The following DYNC2H1 variants were observed in gnomAD, a reference collection of about 807,000 sequenced individuals.
DYNC2H1 encodes the protein dynein cytoplasmic 2 heavy chain 1.
DYNC2H1 carries 410 observed loss-of-function variants against 570.0 expected under a neutral mutation model. The observed-to-expected ratio is 0.72, with a 90% CI of 0.66 to 0.78. DYNC2H1 has a LOEUF of 0.78. Among genes scored for constraint, DYNC2H1 ranks in the 30% least tolerant of loss-of-function variants. DYNC2H1 has a pLI of 0.00. For missense variants in DYNC2H1, 4,865 were observed against 5,046.4 expected, an observed-to-expected ratio of 0.96 and a Z score of 1.09; for synonymous variants, 1,688 against 1,677.6, an observed-to-expected ratio of 1.01 and a Z score of -0.15.
chr11:103,172,294 C>T (rs941273864), intron 34 of DYNC2H1, among the ~76,000 whole-genome samples: 1 of 152,056 alleles, frequency 6.6e-6, no homozygotes, highest in African/African-American at 2.4e-5. Context: ...AATCTTTTCA[C>T]CTGTACTTTG....
intron 39 of DYNC2H1, 59 bp downstream of exon 39, chr11:103,179,292 C>T (rs898410459): frequency 1.3e-5 from 19 of 1,500,618 alleles, no homozygotes; most frequent in Admixed American, 1.8e-5. Context: ...GTCCTGGTTT[C>T]ATATTAAGTA....
At chr11:103,112,690 A>G (rs533169243) in intron 1 of DYNC2H1, among the ~76,000 whole-genome samples, 1 of 152,328 alleles carries the variant, frequency 6.6e-6, no homozygotes, top group African/African-American at 2.4e-5. Context: ...TTGGATAGAA[A>G]TAAGTGGCAT....
chr11:103,423,738 C>T lies in DYNC2H1; in HGVS notation c.12367-12205C>T, dbSNP rs181225397. ...AGATTTTTTCAAAAAACTCAATAAA[C>T]ATCTCAATTATAAAAATGCAAAAAA... On this transcript the variant is annotated intron_variant, in intron 84 of 88. Coordinates refer to ENST00000375735, the MANE Select transcript of DYNC2H1 (RefSeq NM_001377.3). Among the ~76,000 whole-genome samples, 395 of 151,850 alleles carry T rather than the reference C, an allele frequency of 2.6e-3. 1 individual carries two copies. The highest frequency in any genetic ancestry group is 5.8e-3 in the Admixed American group (89 of 15,238).
intron 82 of DYNC2H1, among the ~76,000 whole-genome samples, chr11:103,332,129 C>T (rs1301977566): frequency 6.6e-6 from 1 of 151,080 alleles, no homozygotes; most frequent in Non-Finnish European, 1.5e-5. Flanking sequence ...TTAATTTTAG[C>T]AGAGATATGG....
At position 103,161,025 on chromosome 11, in the gene DYNC2H1, C is replaced by A; in HGVS notation, c.4472C>A (p.Pro1491His). 2 of 1,512,466 alleles carry A rather than the reference C, an allele frequency of 1.3e-6. No homozygotes were observed. Among genetic ancestry groups the A allele is most frequent in the South Asian group, 1.4e-5 (1 of 74,000 alleles). The allele number at this position is 1,512,466 out of a possible 1,614,324, so 93.7% of individuals were successfully genotyped here. A position where few individuals can be genotyped will look rare whatever the true frequency, so the allele number is the denominator to read the frequency against. ...GTTGTACCTTTTAAAAATAAAGTTC[C>A]TCTATCAAATAATGTAGAGGTAAGC... ...GEVVPFKNKV[P>H]LSNNVETWLN... Residue 1491 changes from proline (P) to histidine (H), a missense_variant, in exon 29 of 89, where the codon CCT becomes CAT. Coordinates refer to ENST00000375735, the MANE Select transcript of DYNC2H1 (RefSeq NM_001377.3).
intron 84 of DYNC2H1, chr11:103,405,037 A>G (rs1330827516): frequency 6.7e-6 from 1 of 149,012 alleles, no homozygotes; most frequent in Non-Finnish European, 1.5e-5. Context: ...TACTATGCCC[A>G]TATACCCAAA....
At chr11:103,287,441 AC>A (rs1866394506) in intron 74 of DYNC2H1, 91 bp from the exon 75 acceptor site, 1 of 1,016,688 alleles carries the variant, frequency 9.8e-7, no homozygotes, top group African/African-American at 1.6e-5. Context: ...TATTTAGTAA[AC>A]ATTTGTTTAA....
At position 103,472,257 on chromosome 11, in the gene DYNC2H1, G is replaced by A. The variant is rs1945411686; in HGVS notation, c.12765+3552G>A. Among the ~76,000 whole-genome samples, 1 of 152,092 alleles carries A rather than the reference G, an allele frequency of 6.6e-6. No homozygotes were observed. Among genetic ancestry groups the A allele is most frequent in the Non-Finnish European group, 1.5e-5 (1 of 68,024 alleles). ...ATTTAGAACAGGGCCAGGCACGGTG[G>A]CTCACACCTGTAATCCCATCACTTT... On this transcript the variant is annotated intron_variant, in intron 88 of 88. Transcript: ENST00000375735. This position sits in a 1 kb window ranked among gnomAD's most constrained non-coding sequence, Gnocchi z 4.1.
intron 31 of DYNC2H1, among the ~76,000 whole-genome samples, chr11:103,167,677 G>A (rs146980823): frequency 0.018 from 2,781 of 152,212 alleles, 83 homozygotes; most frequent in African/African-American, 0.062. Flanking sequence ...TTGGTTCTTT[G>A]CATGTTGAAT....
chr11:103,141,706 C>T (rs1386602822), intron 17 of DYNC2H1, among the ~76,000 whole-genome samples: 7 of 152,182 alleles, frequency 4.6e-5, no homozygotes, highest in Non-Finnish European at 2.9e-5. Flanking sequence ...CTCAGATCTC[C>T]AGCTGCATGC....
Position 103,228,927 on chromosome 11 carries a change from G to T in DYNC2H1, c.9354-2333G>T, listed in dbSNP as rs1863898950. Among the ~76,000 whole-genome samples the T allele has an allele frequency of 1.3e-5, 2 of 152,070 alleles. No individual in the cohort carries two copies. Among genetic ancestry groups the T allele is most frequent in the Admixed American group, 1.3e-4 (2 of 15,258 alleles). Reference sequence around the variant, plus strand: ...TTGTTGTGGCTGCTGTGGGGGAGGGGGGTGTGGTTTCCAGTCCAATGTAAT... The same window carrying T: ...TTGTTGTGGCTGCTGTGGGGGAGGGTGGTGTGGTTTCCAGTCCAATGTAAT... On this transcript the variant is annotated intron_variant, in intron 59 of 88. Transcript: ENST00000375735. This position sits in a 1 kb window ranked among gnomAD's most constrained non-coding sequence, Gnocchi z 6.1.
intron 10 of DYNC2H1, among the ~76,000 whole-genome samples, chr11:103,121,916 G>A (rs1451607943): frequency 1.3e-5 from 2 of 151,992 alleles, no homozygotes; most frequent in Admixed American, 1.3e-4. Flanking sequence ...GTGCCACAGT[G>A]CTCCATGGTG....
intron 83 of DYNC2H1, among the ~76,000 whole-genome samples, chr11:103,385,330 C>T (rs952398179): frequency 6.6e-6 from 1 of 152,064 alleles, no homozygotes; most frequent in African/African-American, 2.4e-5. Flanking sequence ...CTCTGTTCAT[C>T]ATGTGTCTTA....
intron 70 of DYNC2H1, among the ~76,000 whole-genome samples, chr11:103,272,087 A>G (rs1419241591): frequency 2.6e-5 from 4 of 152,178 alleles, no homozygotes; most frequent in East Asian, 3.8e-4. Flanking sequence ...ATACCCAAAG[A>G]ATTATAAATC....
At chr11:103,113,338 A>T (rs541559820) in intron 1 of DYNC2H1, among the ~76,000 whole-genome samples, 199 bp from the exon 2 acceptor site, 1 of 152,328 alleles carries the variant, frequency 6.6e-6, no homozygotes, top group Non-Finnish European at 1.5e-5. Flanking sequence ...AAGTGACTTT[A>T]TGATCTAATG....
At chr11:103,419,257 A>G (rs1565583147) in intron 84 of DYNC2H1, among the ~76,000 whole-genome samples, 1 of 152,188 alleles carries the variant, frequency 6.6e-6, no homozygotes. Flanking sequence ...TCCCCCCTCA[A>G]TGCAGCACAC....
intron 1 of DYNC2H1, among the ~76,000 whole-genome samples, chr11:103,111,524 T>C (rs1367515788): frequency 6.6e-6 from 1 of 152,162 alleles, no homozygotes; most frequent in Non-Finnish European, 1.5e-5. Context: ...TTTCCTAGAC[T>C]CACTCCAGTG....
At chr11:103,344,439 G>C (rs1939635034) in intron 82 of DYNC2H1, among the ~76,000 whole-genome samples, 1 of 152,186 alleles carries the variant, frequency 6.6e-6, no homozygotes, top group South Asian at 2.1e-4. Flanking sequence ...CATTGCCTTT[G>C]TCTTCTGATC....
chr11:103,286,557 T>C (rs972869586), intron 74 of DYNC2H1, among the ~76,000 whole-genome samples, 171 bp downstream of exon 74: 1 of 152,170 alleles, frequency 6.6e-6, no homozygotes, highest in African/African-American at 2.4e-5. Context: ...CACGCCAAAG[T>C]TTCTGGGTCT....
Sources: allele counts gnomAD v4.1 joint callset (sites outside exome capture counted in the v4.1 genomes callset), GRCh38; gene constraint gnomAD v4.1.1; non-coding constraint Gnocchi (gnomAD v3.1); transcripts MANE v1.5; gene names NCBI Gene and HGNC (gene_info 2026-07-23, HGNC 2026-07-21).